The following UNC5D variants were observed in gnomAD, a reference collection of about 807,000 sequenced individuals.
UNC5D encodes the protein netrin receptor UNC5D.
A neutral mutation model predicts 105.4 loss-of-function variants in UNC5D; 39 were observed. The observed-to-expected ratio is 0.37, with a 90% CI of 0.29 to 0.48. The LOEUF (loss-of-function observed/expected upper bound fraction) is 0.48. Among genes scored for constraint, UNC5D ranks in the 20% least tolerant of loss-of-function variants. The pLI, the probability that UNC5D is intolerant of heterozygous loss-of-function variation, is 0.98. For missense variants in UNC5D, 991 were observed against 1,202.4 expected, an observed-to-expected ratio of 0.82 and a Z score of 2.60; for synonymous variants, 452 against 450.4, an observed-to-expected ratio of 1.00 and a Z score of -0.04.
chr8:35,763,861 G>C (rs1385013919), intron 14 of UNC5D, among the ~76,000 whole-genome samples: 1 of 152,150 alleles, frequency 6.6e-6, no homozygotes, highest in African/African-American at 2.4e-5. Flanking sequence ...TCACACAGCA[G>C]GTTGATCAAA....
At chr8:35,766,750 T>A in intron 14 of UNC5D, 152 bp from the exon 15 acceptor site, 2 of 907,498 alleles carry the variant, frequency 2.2e-6, no homozygotes, top group Non-Finnish European at 3.0e-6. Flanking sequence ...ACAATTCCAC[T>A]AAAGCTGCCT....
chr8:35,470,120 G>A (rs1809595512), intron 1 of UNC5D, among the ~76,000 whole-genome samples: 1 of 152,114 alleles, frequency 6.6e-6, no homozygotes, highest in East Asian at 1.9e-4. Context: ...CAGGAGCTAA[G>A]AACACAAAGT....
intron 13 of UNC5D, among the ~76,000 whole-genome samples, chr8:35,754,815 C>G (rs911619404): frequency 6.6e-6 from 1 of 152,118 alleles, no homozygotes; most frequent in Non-Finnish European, 1.5e-5. Context: ...AAACAAAATA[C>G]TTTGTTTACC....
chr8:35,482,378 A>G (rs964861116), intron 1 of UNC5D, among the ~76,000 whole-genome samples: 2 of 152,206 alleles, frequency 1.3e-5, no homozygotes, highest in African/African-American at 4.8e-5. Flanking sequence ...AAATTTGGGC[A>G]CATTTCTGTC....
chr8:35,440,586 A>G (rs755912513), intron 1 of UNC5D, among the ~76,000 whole-genome samples: 1 of 152,002 alleles, frequency 6.6e-6, no homozygotes, highest in Non-Finnish European at 1.5e-5. Flanking sequence ...TTAAGTACCT[A>G]ACTAGCATGC....
intron 7 of UNC5D, among the ~76,000 whole-genome samples, chr8:35,695,255 T>C (rs1826678396): frequency 6.6e-6 from 1 of 152,168 alleles, no homozygotes. Flanking sequence ...CTCCATTTTC[T>C]ATCCTTCCTC....
At chr8:35,505,911 A>G (rs952420895) in intron 1 of UNC5D, among the ~76,000 whole-genome samples, 3 of 152,192 alleles carry the variant, frequency 2.0e-5, no homozygotes, top group Non-Finnish European at 4.4e-5. Flanking sequence ...ATTTCCTAAC[A>G]ACCTTAGAGG....
At chr8:35,489,857 T>C (rs928223963) in intron 1 of UNC5D, among the ~76,000 whole-genome samples, 1 of 152,204 alleles carries the variant, frequency 6.6e-6, no homozygotes, top group Non-Finnish European at 1.5e-5. Flanking sequence ...TAATGAGACA[T>C]GATCTGAGAC....
chr8:35,671,625 T>A (rs1824811160), intron 4 of UNC5D, among the ~76,000 whole-genome samples: 1 of 152,190 alleles, frequency 6.6e-6, no homozygotes, highest in East Asian at 1.9e-4. Context: ...TAGAAAATAA[T>A]CCATACAAGA....
intron 4 of UNC5D, among the ~76,000 whole-genome samples, chr8:35,598,407 G>A (rs915995867): frequency 2.6e-5 from 4 of 152,108 alleles, no homozygotes; most frequent in Non-Finnish European, 5.9e-5. Flanking sequence ...ACAAGTGTTG[G>A]CAAGGATGTG....
chr8:35,531,071 T>C (rs1814330191), intron 1 of UNC5D, among the ~76,000 whole-genome samples: 1 of 146,518 alleles, frequency 6.8e-6, no homozygotes, highest in Admixed American at 6.8e-5. Flanking sequence ...TTTTAGTTAT[T>C]TCTTGCCTTC....
chr8:35,605,812 T>A (rs979464579), intron 4 of UNC5D, among the ~76,000 whole-genome samples: 1 of 152,184 alleles, frequency 6.6e-6, no homozygotes, highest in Non-Finnish European at 1.5e-5. Flanking sequence ...CAATACAATA[T>A]TTAGACATTT....
intron 1 of UNC5D, among the ~76,000 whole-genome samples, chr8:35,291,003 G>C (rs1381282451): frequency 6.6e-6 from 1 of 151,670 alleles, no homozygotes; most frequent in Non-Finnish European, 1.5e-5. Flanking sequence ...AAATTGGAAG[G>C]GTAACCAGAA....
chr8:35,670,346 TTTTG>T (rs758801075), intron 4 of UNC5D, among the ~76,000 whole-genome samples: 6 of 152,062 alleles, frequency 3.9e-5, no homozygotes, highest in Non-Finnish European at 8.8e-5. Context: ...AAAAGAGGGA[TTTTG>T]TTTACCTATT....
At chr8:35,294,353 C>T (rs1807308260) in intron 1 of UNC5D, among the ~76,000 whole-genome samples, 1 of 152,090 alleles carries the variant, frequency 6.6e-6, no homozygotes, top group African/African-American at 2.4e-5. Flanking sequence ...GATATCCTTT[C>T]TCAATAATTT....
intron 1 of UNC5D, among the ~76,000 whole-genome samples, chr8:35,538,567 G>A (rs2130613486): frequency 6.6e-6 from 1 of 151,612 alleles, no homozygotes; most frequent in East Asian, 1.9e-4. Context: ...GATTAAAGGA[G>A]GGTAGGCAGA....
At chr8:35,371,995 T>C (rs529503334) in intron 1 of UNC5D, among the ~76,000 whole-genome samples, 1 of 152,340 alleles carries the variant, frequency 6.6e-6, no homozygotes, top group East Asian at 1.9e-4. Context: ...CTTTAGGTCT[T>C]TGATCTTAGC....
intron 4 of UNC5D, among the ~76,000 whole-genome samples, chr8:35,610,926 T>G (rs1820634619): frequency 6.7e-6 from 1 of 148,442 alleles, no homozygotes; most frequent in Admixed American, 6.8e-5. Context: ...GTAATGCAAT[T>G]AATTAGCCAC....
chr8:35,726,458 C>T lies in UNC5D; in HGVS notation c.1610C>T (p.Pro537Leu), dbSNP rs1828879445. 1 of 1,614,094 alleles carries T rather than the reference C, an allele frequency of 6.2e-7. No homozygotes were observed. Among genetic ancestry groups the T allele is most frequent in the Non-Finnish European group, 8.5e-7 (1 of 1,180,004 alleles). The part of the protein sequence containing the change: ...MPYIQNLSSL[P>L]TRTELRTTGV... ...TACATCCAAAATCTGTCATCACTCC[C>T]CACAAGGACAGAACTGAGGACAACT... The change falls in exon 10 of 17, where the codon CCC becomes CTC. Residue 537 changes from proline (P) to leucine (L), a missense_variant. By Grantham distance (98) the Pro-to-Leu change is moderately conservative (BLOSUM62 -3). Around this residue, in one of 3 missense-constraint regions of UNC5D, gnomAD observed 944 missense variants for 1,131.6 expected, o/e 0.83. Transcript: ENST00000404895.
Sources: allele counts gnomAD v4.1 joint callset (sites outside exome capture counted in the v4.1 genomes callset), GRCh38; gene constraint gnomAD v4.1.1; regional missense constraint gnomAD v4.1.1; transcripts MANE v1.5; gene names NCBI Gene and HGNC (gene_info 2026-07-23, HGNC 2026-07-21).